Variants in RNF13 observed in about 807,000 individuals in gnomAD.
The protein encoded by RNF13 is ring finger protein 13.
In RNF13, 19 loss-of-function variants were observed where a neutral mutation model predicts 37.7. The ratio of observed to expected loss-of-function variants is 0.50; its 90% CI spans 0.35 to 0.74. RNF13 has a LOEUF of 0.74. Ranked by LOEUF, RNF13 falls within the 30% of genes least tolerant of loss-of-function variation. The probability of loss-of-function intolerance (pLI) is 0.01; values close to 1 mark genes in which losing one functional copy is unlikely to be tolerated. For synonymous variants in RNF13, 144 were observed against 157.8 expected (o/e 0.91, Z 0.65); for missense variants, 375 against 453.0 (o/e 0.83, Z 1.56).
intron 8 of RNF13, among the ~76,000 whole-genome samples, chr3:149,930,072 T>G (rs975448892): frequency 3.3e-5 from 5 of 152,164 alleles, no homozygotes; most frequent in Non-Finnish European, 7.4e-5. Flanking sequence ...AGCACAGGCA[T>G]GTGCCACCAT....
At chr3:149,908,637 T>C (rs1281122549) in intron 6 of RNF13, among the ~76,000 whole-genome samples, 2 of 152,162 alleles carry the variant, frequency 1.3e-5, no homozygotes, top group African/African-American at 4.8e-5. Context: ...TTCAAGGAAG[T>C]AGTCAGATGA....
chr3:149,948,799 G>A (rs1721022969), intron 8 of RNF13, among the ~76,000 whole-genome samples: 1 of 152,218 alleles, frequency 6.6e-6, no homozygotes, highest in Non-Finnish European at 1.5e-5. Flanking sequence ...GGCCAAGGTG[G>A]GCGGATCACT....
intron 1 of RNF13, among the ~76,000 whole-genome samples, chr3:149,831,108 A>C (rs1387032539): frequency 6.6e-6 from 1 of 152,228 alleles, no homozygotes; most frequent in Non-Finnish European, 1.5e-5. Context: ...TGCGGGGGTG[A>C]AGCCCTCAGG....
chr3:149,826,170 G>A (rs185011440), intron 1 of RNF13, among the ~76,000 whole-genome samples: 3 of 152,310 alleles, frequency 2.0e-5, no homozygotes, highest in Non-Finnish European at 2.9e-5. Context: ...TGAGCTCCTT[G>A]TCAGAGGGAA....
intron 8 of RNF13, among the ~76,000 whole-genome samples, chr3:149,951,120 A>G (rs1284150979): frequency 6.6e-6 from 1 of 152,138 alleles, no homozygotes; most frequent in African/African-American, 2.4e-5. Context: ...GGTCCCCTGG[A>G]AGTGTTTTAA....
At chr3:149,956,505 T>G (rs1056286052) in intron 8 of RNF13, among the ~76,000 whole-genome samples, 3 of 152,336 alleles carry the variant, frequency 2.0e-5, no homozygotes, top group Admixed American at 2.0e-4. Flanking sequence ...CTGTATCTGA[T>G]GAGCCAAAGT....
In RNF13 at chr3:149,910,513, C is replaced by T. The variant is rs1015500811; in HGVS notation, c.501-1465C>T. ...TGTGTGTGTGTATAAGAAATAATAG[C>T]ATAAAGATTTAAAAATAGTCTCGGA... is the stretch of plus-strand genomic sequence containing the variant. On this transcript the variant is annotated intron_variant, in intron 6 of 9. Coordinates refer to ENST00000392894, the MANE Select transcript of RNF13 (RefSeq NM_183381.3). Among the ~76,000 whole-genome samples the T allele has an allele frequency of 8.6e-5, 13 of 151,876 alleles. 1 individual carries two copies. The highest frequency in any genetic ancestry group is 6.6e-4 in the Admixed American group (10 of 15,250).
At chr3:149,825,077 G>A (rs950579841) in intron 1 of RNF13, among the ~76,000 whole-genome samples, 5 of 151,126 alleles carry the variant, frequency 3.3e-5, no homozygotes, top group African/African-American at 1.2e-4. Context: ...TTCTGCCTTA[G>A]CCTTCTCAGT....
chr3:149,854,676 C>G (rs1443449969), intron 3 of RNF13, among the ~76,000 whole-genome samples: 1 of 152,152 alleles, frequency 6.6e-6, no homozygotes, highest in Non-Finnish European at 1.5e-5. Flanking sequence ...AATGGACCCT[C>G]ACACCACATT....
At chr3:149,950,084 A>G (rs1273603546) in intron 8 of RNF13, among the ~76,000 whole-genome samples, 1 of 152,216 alleles carries the variant, frequency 6.6e-6, no homozygotes, top group African/African-American at 2.4e-5. Context: ...TAATGAGCTA[A>G]TCAAATGCAT....
In RNF13 at chr3:149,917,168, C is replaced by G. The variant is rs565500645; in HGVS notation, c.607-3966C>G. ...GACACTTTAGGAAGGGCAAATTGGG[C>G]ACACTTGGTTCAGCTCCACCATCTT... is the stretch of plus-strand genomic sequence containing the variant. On this transcript the variant is annotated intron_variant, in intron 7 of 9. Coordinates refer to ENST00000392894, the MANE Select transcript of RNF13 (RefSeq NM_183381.3). 2.0e-5 allele frequency among the ~76,000 whole-genome samples: 3 copies of G among 152,086 alleles called. 1 individual carries two copies. The South Asian group carries it at 6.2e-4, about 32-fold the overall frequency.
chr3:149,952,346 G>A (rs1163712499), intron 8 of RNF13, among the ~76,000 whole-genome samples: 1 of 151,998 alleles, frequency 6.6e-6, no homozygotes, highest in African/African-American at 2.4e-5. Context: ...TAATCAACAA[G>A]CAGAAGTCAT....
chr3:149,899,070 G>T (rs9876030), intron 5 of RNF13, among the ~76,000 whole-genome samples: 405 of 152,196 alleles, frequency 2.7e-3, no homozygotes, highest in Non-Finnish European at 4.4e-3. Context: ...GGGAGGGAGT[G>T]GGGGGATAAG....
intron 2 of RNF13, among the ~76,000 whole-genome samples, chr3:149,849,206 A>G (rs1327878658): frequency 6.6e-6 from 1 of 152,222 alleles, no homozygotes; most frequent in African/African-American, 2.4e-5. Flanking sequence ...TGAGACTCAG[A>G]GTCCACAAGT....
rs192353467 is a variant in RNF13 at position 149,843,928 on chromosome 3, G to A, written c.-16-2083G>A. 2.6e-5 allele frequency among the ~76,000 whole-genome samples: 4 copies of A among 152,338 alleles called. No individual in the cohort carries two copies. In the East Asian group the frequency reaches 7.7e-4, roughly 29 times the overall value. On this transcript the variant is annotated intron_variant, in intron 1 of 9. Transcript: ENST00000392894. ...CAGCAATGCCTGGCACTTAGTAAGA[G>A]ATCAGTATTAGTTGTTTTGGTTATT...
At chr3:149,858,604 T>C (rs1576775640) in intron 3 of RNF13, among the ~76,000 whole-genome samples, 2 of 152,250 alleles carry the variant, frequency 1.3e-5, no homozygotes, top group African/African-American at 4.8e-5. Context: ...CCATGATCCA[T>C]ATATACTGTG....
chr3:149,942,118 T>C (rs1720343855), intron 8 of RNF13, among the ~76,000 whole-genome samples: 1 of 152,076 alleles, frequency 6.6e-6, no homozygotes, highest in Non-Finnish European at 1.5e-5. Flanking sequence ...ACTGTTGCTG[T>C]GTAGAATGTT....
chr3:149,866,441 G>A (rs1192322857), intron 3 of RNF13, among the ~76,000 whole-genome samples: 1 of 152,192 alleles, frequency 6.6e-6, no homozygotes, highest in South Asian at 2.1e-4. Context: ...GAAGACCAGA[G>A]GTCACTCACG....
rs138599646 is a variant in RNF13 at position 149,922,059 on chromosome 3, C to T, written c.700+832C>T. The stretch of plus-strand genomic sequence containing the variant: ...TGCGATCTTGGCTCACTGCAGCCTC[C>T]GCCCCCCAGGTTCAAGAGATTCTCC... On this transcript the variant is annotated intron_variant, in intron 8 of 9. Coordinates refer to ENST00000392894, the MANE Select transcript of RNF13 (RefSeq NM_183381.3). Among the ~76,000 whole-genome samples the T allele has an allele frequency of 6.1e-3, 929 of 152,126 alleles. 7 individuals carry two copies. Among genetic ancestry groups the T allele is most frequent in the Non-Finnish European group, 0.01 (681 of 67,948 alleles).
Sources: gnomAD v4.1 joint callset for allele counts (sites outside exome capture counted in the v4.1 genomes callset) on GRCh38, gnomAD v4.1.1 for gene constraint, MANE v1.5 for transcripts, NCBI Gene and HGNC (gene_info 2026-07-23, HGNC 2026-07-21) for gene names.